MYO3A: variants seen among roughly 807,000 people sequenced by gnomAD.
MYO3A encodes myosin IIIA.
In MYO3A, 180 loss-of-function variants were observed where a neutral mutation model predicts 192.7. That is an observed-to-expected ratio of 0.93 (90% CI 0.83 to 1.06). The LOEUF (loss-of-function observed/expected upper bound fraction) is 1.06, where lower values mean the gene tolerates loss of function less well. Ranked by LOEUF, MYO3A falls within the 50% of genes least tolerant of loss-of-function variation. The pLI is 0.00. For synonymous variants in MYO3A, 628 were observed against 645.3 expected (o/e 0.97, Z 0.41); for missense variants, 1,896 against 1,905.0 (o/e 1.00, Z 0.09).
intron 20 of MYO3A, among the ~76,000 whole-genome samples, chr10:26,139,493 C>T (rs1349147221): frequency 6.6e-6 from 1 of 152,150 alleles, no homozygotes; most frequent in African/African-American, 2.4e-5. Flanking sequence ...CCCGCCTCAG[C>T]CTCCCAAAGG....
At chr10:26,020,703 A>G (rs776416323) in intron 7 of MYO3A, among the ~76,000 whole-genome samples, 4 of 152,240 alleles carry the variant, frequency 2.6e-5, no homozygotes, top group Non-Finnish European at 5.9e-5. Context: ...ATTGATGTTA[A>G]TAATTACCAT....
intron 7 of MYO3A, among the ~76,000 whole-genome samples, chr10:26,017,767 T>A (rs900058200): frequency 1.0e-4 from 15 of 150,668 alleles, no homozygotes; most frequent in African/African-American, 3.4e-4. Flanking sequence ...ATTAAAAAAA[T>A]TTTTTTACCA....
At chr10:26,073,929 C>T (rs533566553) in intron 14 of MYO3A, among the ~76,000 whole-genome samples, 38 of 152,054 alleles carry the variant, frequency 2.5e-4, no homozygotes, top group Non-Finnish European at 4.7e-4. Context: ...CATGTAAAAA[C>T]TCTCAGAGCT....
At chr10:26,203,490 T>A (rs987642023) in intron 34 of MYO3A, among the ~76,000 whole-genome samples, 6 of 152,218 alleles carry the variant, frequency 3.9e-5, no homozygotes, top group African/African-American at 1.2e-4. Context: ...GTTTCTTAAT[T>A]ATGCTTGTTA....
chr10:26,061,131 G>C (rs543535631), intron 10 of MYO3A, among the ~76,000 whole-genome samples: 1 of 151,824 alleles, frequency 6.6e-6, no homozygotes, highest in East Asian at 1.9e-4. Flanking sequence ...GGGTTTCACC[G>C]TGTTAGCCAG....
At chr10:26,179,273 A>AT (rs879526288) in intron 31 of MYO3A, among the ~76,000 whole-genome samples, 154 of 147,948 alleles carry the variant, frequency 1.0e-3, no homozygotes, top group African/African-American at 3.3e-3. Context: ...TAATTTTTGT[A>AT]TTTTTTTTTA....
intron 14 of MYO3A, among the ~76,000 whole-genome samples, chr10:26,074,250 T>G (rs1254590827): frequency 6.6e-6 from 1 of 151,986 alleles, no homozygotes; most frequent in African/African-American, 2.4e-5. Context: ...TATAAAAGAG[T>G]GAGGCTGCAT....
At chr10:26,118,788 C>T (rs945651020) in intron 17 of MYO3A, among the ~76,000 whole-genome samples, 5 of 151,974 alleles carry the variant, frequency 3.3e-5, no homozygotes, top group Admixed American at 1.3e-4. Flanking sequence ...CACACCACCA[C>T]GCCCCGCTAA....
chr10:25,980,894 A>G (rs773434507), intron 4 of MYO3A, among the ~76,000 whole-genome samples: 4 of 152,178 alleles, frequency 2.6e-5, no homozygotes, highest in Non-Finnish European at 5.9e-5. Flanking sequence ...CCCTACTGTT[A>G]TACATTTTAT....
In MYO3A at chr10:26,059,277, G is replaced by A. The variant is rs193042075; in HGVS notation, c.954-7698G>A. 6.6e-4 allele frequency among the ~76,000 whole-genome samples: 100 copies of A among 152,264 alleles called. 1 individual carries two copies. Among genetic ancestry groups the A allele is most frequent in the Admixed American group, 6.2e-3 (94 of 15,282 alleles). ...CTTGCTTTGTTTCTGATCTTAGCAGGAAAGCTTCTAATTTCTCATCATTAT... is the reference window on the plus strand; with the variant it reads ...CTTGCTTTGTTTCTGATCTTAGCAGAAAAGCTTCTAATTTCTCATCATTAT... On this transcript the variant is annotated intron_variant, in intron 10 of 34. Coordinates refer to ENST00000642920, the MANE Select transcript of MYO3A (RefSeq NM_017433.5).
Position 26,012,192 on chromosome 10 carries a change from C to A in MYO3A, c.509-4628C>A, listed in dbSNP as rs190096855. On this transcript the variant is annotated intron_variant, in intron 6 of 34. Transcript: ENST00000642920. Reference sequence around the variant, plus strand: ...GCTTTCCCCCTGAACAGGAACAAGACAAGTAGGCCCACTTTCACCACCCCT... The same window carrying A: ...GCTTTCCCCCTGAACAGGAACAAGAAAAGTAGGCCCACTTTCACCACCCCT... Among the ~76,000 whole-genome samples, 95 of 152,190 alleles carry A rather than the reference C, an allele frequency of 6.2e-4. No individual in the cohort carries two copies. In the Middle Eastern group the frequency reaches 0.02, roughly 33 times the overall value.
chr10:26,060,571 AAT>A (rs1834405175), intron 10 of MYO3A, among the ~76,000 whole-genome samples: 1 of 152,216 alleles, frequency 6.6e-6, no homozygotes, highest in South Asian at 2.1e-4. Flanking sequence ...TCCATATCAA[AAT>A]ATGTTTTCCT....
chr10:25,994,598 C>T (rs1304189878), intron 4 of MYO3A, among the ~76,000 whole-genome samples: 1 of 152,156 alleles, frequency 6.6e-6, no homozygotes, highest in Admixed American at 6.5e-5. Flanking sequence ...CAGTTTCTTC[C>T]TAGCATCGAT....
chr10:26,190,655 T>G (rs1251174268), intron 31 of MYO3A, among the ~76,000 whole-genome samples: 1 of 152,134 alleles, frequency 6.6e-6, no homozygotes, highest in African/African-American at 2.4e-5. Flanking sequence ...TCATCTACCT[T>G]CAGAAACTTT....
chr10:26,151,747 C>A (rs1232690473), intron 23 of MYO3A, among the ~76,000 whole-genome samples: 1 of 152,142 alleles, frequency 6.6e-6, no homozygotes, highest in Non-Finnish European at 1.5e-5. Flanking sequence ...CTTATTTTCC[C>A]AGGCTTTACC....
chr10:26,025,784 C>T (rs1194276963), intron 9 of MYO3A, among the ~76,000 whole-genome samples: 1 of 152,188 alleles, frequency 6.6e-6, no homozygotes, highest in Non-Finnish European at 1.5e-5. Flanking sequence ...CATGAATATG[C>T]TCTGGTTGAA....
chr10:26,020,509 C>T (rs1321134098), intron 7 of MYO3A, among the ~76,000 whole-genome samples: 2 of 152,062 alleles, frequency 1.3e-5, no homozygotes, highest in Non-Finnish European at 2.9e-5. Context: ...CCTAAAAGGG[C>T]CTTAGATTTT....
chr10:26,060,814 A>G (rs947435036), intron 10 of MYO3A, among the ~76,000 whole-genome samples: 7 of 152,228 alleles, frequency 4.6e-5, no homozygotes, highest in African/African-American at 1.2e-4. Context: ...TACAAAGAAA[A>G]ATGATTTAAA....
chr10:25,962,876 C>T (rs1418726060), intron 4 of MYO3A, among the ~76,000 whole-genome samples: 1 of 152,140 alleles, frequency 6.6e-6, no homozygotes, highest in East Asian at 1.9e-4. Flanking sequence ...TTGTAATTTT[C>T]CCCTTCTTGG....
Sources: allele counts gnomAD v4.1 joint callset (sites outside exome capture counted in the v4.1 genomes callset), GRCh38; gene constraint gnomAD v4.1.1; transcripts MANE v1.5; gene names NCBI Gene and HGNC (gene_info 2026-07-23, HGNC 2026-07-21).